The following METTL25 variants were observed in gnomAD, a reference collection of about 807,000 sequenced individuals.
The protein encoded by METTL25 is methyltransferase like 25.
Under a neutral mutation model 71.6 loss-of-function variants are expected in METTL25, and 64 were observed. The observed-to-expected ratio is 0.89, with a 90% CI of 0.73 to 1.10. The LOEUF is 1.10. Ranked by LOEUF, METTL25 falls within the 50% of genes least tolerant of loss-of-function variation. The pLI, the probability that METTL25 is intolerant of heterozygous loss-of-function variation, is 0.00. For missense variants in METTL25, 807 were observed against 707.0 expected, an observed-to-expected ratio of 1.14 and a Z score of -1.60; for synonymous variants, 287 against 250.3, an observed-to-expected ratio of 1.15 and a Z score of -1.38.
At chr12:82,379,783 A>G (rs563814983) in intron 1 of METTL25, among the ~76,000 whole-genome samples, 1 of 152,310 alleles carries the variant, frequency 6.6e-6, no homozygotes, top group Non-Finnish European at 1.5e-5. Flanking sequence ...TACCTAGAGC[A>G]TAGTATCCAG....
chr12:82,402,039 C>T (rs1279455044), intron 4 of METTL25, among the ~76,000 whole-genome samples: 3 of 151,884 alleles, frequency 2.0e-5, no homozygotes, highest in Non-Finnish European at 2.9e-5. Flanking sequence ...AATTCAACTT[C>T]AAAATGATTG....
intron 9 of METTL25, among the ~76,000 whole-genome samples, chr12:82,474,256 A>T (rs570525314): frequency 6.6e-6 from 1 of 152,282 alleles, no homozygotes; most frequent in Non-Finnish European, 1.5e-5. Flanking sequence ...GGCAGATCTC[A>T]TCCAATCAGA....
At chr12:82,446,271 A>G (rs1890728031) in intron 8 of METTL25, among the ~76,000 whole-genome samples, 1 of 152,200 alleles carries the variant, frequency 6.6e-6, no homozygotes, top group Non-Finnish European at 1.5e-5. Context: ...GATTAGCCAG[A>G]CAGAAATATA....
At chr12:82,383,865 T>C (rs914875126) in intron 1 of METTL25, among the ~76,000 whole-genome samples, 8 of 152,118 alleles carry the variant, frequency 5.3e-5, no homozygotes, top group Admixed American at 3.3e-4. Flanking sequence ...AAACAAACAA[T>C]TGAAAAAAAT....
At chr12:82,464,123 C>A (rs1312466783) in intron 9 of METTL25, among the ~76,000 whole-genome samples, 1 of 151,754 alleles carries the variant, frequency 6.6e-6, no homozygotes, top group South Asian at 2.1e-4. Context: ...TGATATAATC[C>A]TCTTTGCTTA....
intron 1 of METTL25, among the ~76,000 whole-genome samples, chr12:82,359,699 A>T (rs1202677531): frequency 6.6e-6 from 1 of 152,206 alleles, no homozygotes; most frequent in Non-Finnish European, 1.5e-5. Context: ...TTGTAGGCTC[A>T]AGCTTTTCCT....
chr12:82,388,447 G>A (rs142869385), intron 2 of METTL25, among the ~76,000 whole-genome samples: 4 of 152,094 alleles, frequency 2.6e-5, no homozygotes, highest in East Asian at 3.9e-4. Context: ...CACTAGCAAC[G>A]TTACTATGGG....
chr12:82,368,426 G>A (rs1473216109), intron 1 of METTL25, among the ~76,000 whole-genome samples: 1 of 152,048 alleles, frequency 6.6e-6, no homozygotes, highest in Non-Finnish European at 1.5e-5. Flanking sequence ...ATTAGATCTG[G>A]CCATTTTGTT....
intron 1 of METTL25, among the ~76,000 whole-genome samples, chr12:82,381,964 A>G (rs1210928916): frequency 6.6e-6 from 1 of 152,188 alleles, no homozygotes; most frequent in Non-Finnish European, 1.5e-5. Context: ...GGGGGTTTTC[A>G]AATGAAGGAC....
intron 1 of METTL25, among the ~76,000 whole-genome samples, chr12:82,371,785 C>A (rs556541784): frequency 1.3e-5 from 2 of 152,240 alleles, no homozygotes; most frequent in East Asian, 3.9e-4. Context: ...CTTAACGCCT[C>A]CTGTAGCTGC....
At chr12:82,417,641 G>A (rs750005088) in intron 5 of METTL25, among the ~76,000 whole-genome samples, 1 of 152,104 alleles carries the variant, frequency 6.6e-6, no homozygotes, top group African/African-American at 2.4e-5. Context: ...TGTCTACAAT[G>A]TGCCAGATAC....
intron 9 of METTL25, among the ~76,000 whole-genome samples, chr12:82,470,146 A>G (rs561635932): frequency 1.3e-5 from 2 of 152,312 alleles, no homozygotes; most frequent in African/African-American, 2.4e-5. Flanking sequence ...GGATTTAAAA[A>G]TCAAATCTGA....
chr12:82,415,341 T>C (rs1887884337), intron 5 of METTL25, among the ~76,000 whole-genome samples: 1 of 152,054 alleles, frequency 6.6e-6, no homozygotes, highest in African/African-American at 2.4e-5. Flanking sequence ...AAAGGATAAG[T>C]GAAATACTAG....
chr12:82,381,617 T>C (rs1000894571), intron 1 of METTL25, among the ~76,000 whole-genome samples: 48 of 152,218 alleles, frequency 3.2e-4, no homozygotes, highest in African/African-American at 1.1e-3. Context: ...CAGTATAGGA[T>C]TATGAACAGA....
Position 82,479,171 on chromosome 12 carries a change from G to T in METTL25, c.*147G>T. The T allele has an allele frequency of 3.7e-6, 2 of 546,818 alleles. No homozygotes were observed. Among genetic ancestry groups the T allele is most frequent in the Non-Finnish European group, 3.2e-6 (1 of 310,550 alleles). 33.9% of individuals were successfully genotyped at this position (546,818 alleles called of 1,614,324 possible). ...ATAAAATAATGGCTAACAACAGAAG[G>T]TTATAATCCATTTTTCCATTGTCAA... is the stretch of plus-strand genomic sequence containing the variant. On this transcript the variant is annotated 3_prime_UTR_variant, in exon 12 of 12. Transcript: ENST00000248306.
intron 1 of METTL25, among the ~76,000 whole-genome samples, chr12:82,366,749 A>G (rs1270616503): frequency 6.6e-6 from 1 of 152,210 alleles, no homozygotes; most frequent in East Asian, 1.9e-4. Context: ...ACAACGGAGA[A>G]ATAATTAGTG....
intron 4 of METTL25, among the ~76,000 whole-genome samples, chr12:82,401,144 C>G (rs1264866590): frequency 6.6e-6 from 1 of 151,962 alleles, no homozygotes; most frequent in African/African-American, 2.4e-5. Context: ...AGTGTTCTAT[C>G]AGGTCAAAAC....
In METTL25 at chr12:82,365,127, T is replaced by A. The variant is rs529138022; in HGVS notation, c.259+6303T>A. ...ACATAGATCTAATAAAGAGTCTTAT[T>A]GAAGGCACTCCTTGCACATACCTAG... is the stretch of plus-strand genomic sequence containing the variant. On this transcript the variant is annotated intron_variant, in intron 1 of 11. Coordinates refer to ENST00000248306, the MANE Select transcript of METTL25 (RefSeq NM_032230.3). Among the ~76,000 whole-genome samples the A allele has an allele frequency of 4.6e-5, 7 of 152,330 alleles. No individual in the cohort carries two copies. In the South Asian group the frequency reaches 1.4e-3, roughly 32 times the overall value.
chr12:82,391,171 T>C lies in METTL25; in HGVS notation c.531+1249T>C, dbSNP rs545229264. 2.6e-5 allele frequency among the ~76,000 whole-genome samples: 4 copies of C among 152,058 alleles called. No homozygotes were observed. In the East Asian group the frequency reaches 7.8e-4, roughly 30 times the overall value. ...GGAGAATGGAGTAAAGGTCCAGTCT[T>C]GAGGGGAAATCTGGTCTGAATGAGG... On this transcript the variant is annotated intron_variant, in intron 3 of 11. Coordinates refer to ENST00000248306, the MANE Select transcript of METTL25 (RefSeq NM_032230.3).
Sources: allele counts gnomAD v4.1 joint callset (sites outside exome capture counted in the v4.1 genomes callset), GRCh38; gene constraint gnomAD v4.1.1; transcripts MANE v1.5; gene names NCBI Gene and HGNC (gene_info 2026-07-23, HGNC 2026-07-21).